ENTHD1: variants seen among roughly 807,000 people sequenced by gnomAD.
ENTHD1 encodes ENTH domain containing 1.
In ENTHD1, 23 loss-of-function variants were observed where a neutral mutation model predicts 39.1. The ratio of observed to expected loss-of-function variants is 0.59; its 90% CI spans 0.42 to 0.83. The LOEUF (loss-of-function observed/expected upper bound fraction) is 0.83. ENTHD1 is among the 40% of genes least tolerant of loss of function. ENTHD1 has a pLI of 0.00. For synonymous variants in ENTHD1, 230 were observed against 258.2 expected, an observed-to-expected ratio of 0.89 and a Z score of 1.05; for missense variants, 624 against 705.4, an observed-to-expected ratio of 0.88 and a Z score of 1.31.
chr22:39,851,968 G>A (rs1347508725), intron 3 of ENTHD1, among the ~76,000 whole-genome samples: 1 of 152,114 alleles, frequency 6.6e-6, no homozygotes, highest in Non-Finnish European at 1.5e-5. Flanking sequence ...CTAAAAAACA[G>A]CATATAATTC....
At chr22:39,877,140 T>C (rs981120160) in intron 2 of ENTHD1, among the ~76,000 whole-genome samples, 8 of 152,150 alleles carry the variant, frequency 5.3e-5, no homozygotes, top group African/African-American at 9.7e-5. Flanking sequence ...TGAGCCTAAA[T>C]TGTAATGGGT....
intron 3 of ENTHD1, among the ~76,000 whole-genome samples, chr22:39,839,585 C>A (rs779608146): frequency 2.0e-5 from 3 of 152,164 alleles, no homozygotes; most frequent in Non-Finnish European, 2.9e-5. Context: ...TTTGTTTTAA[C>A]TTCACATAAA....
chr22:39,862,982 T>C (rs1601651740), intron 2 of ENTHD1, among the ~76,000 whole-genome samples: 1 of 152,154 alleles, frequency 6.6e-6, no homozygotes, highest in Admixed American at 6.6e-5. Context: ...TTCTGTCACA[T>C]GAGGACACAG....
chr22:39,819,328 G>A (rs2035527887), intron 5 of ENTHD1, among the ~76,000 whole-genome samples: 1 of 151,034 alleles, frequency 6.6e-6, no homozygotes, highest in Non-Finnish European at 1.5e-5. Flanking sequence ...TCGCGCCACT[G>A]TACTCCAACC....
intron 5 of ENTHD1, among the ~76,000 whole-genome samples, chr22:39,801,785 C>G (rs1174292546): frequency 6.6e-6 from 1 of 151,928 alleles, no homozygotes; most frequent in East Asian, 1.9e-4. Context: ...TTGTTAATGA[C>G]CTACATTCAA....
At chr22:39,766,524 T>C (rs1325791567) in intron 5 of ENTHD1, among the ~76,000 whole-genome samples, 1 of 152,166 alleles carries the variant, frequency 6.6e-6, no homozygotes, top group Non-Finnish European at 1.5e-5. Context: ...CCGTTATTTT[T>C]ATGAGGTTGT....
chr22:39,774,135 A>G (rs886436386), intron 5 of ENTHD1, among the ~76,000 whole-genome samples: 16 of 152,132 alleles, frequency 1.1e-4, no homozygotes, highest in African/African-American at 3.9e-4. Context: ...AAATCTTAAG[A>G]CCATTTCTTT....
At position 39,754,065 on chromosome 22, in the gene ENTHD1, C is replaced by T. The variant is rs544088196; in HGVS notation, c.1220-9782G>A. The stretch of plus-strand genomic sequence containing the variant: ...CTGCCTTACCTGCTAACTTGTAATC[C>T]GGGGGTCAGCAAACCATTTTTGTAA... On this transcript the variant is annotated intron_variant, in intron 6 of 6. Transcript: ENST00000325157. Among the ~76,000 whole-genome samples the T allele has an allele frequency of 2.7e-4, 41 of 152,238 alleles. 1 individual carries two copies. In the South Asian group the frequency reaches 8.1e-3, roughly 30 times the overall value.
intron 5 of ENTHD1, among the ~76,000 whole-genome samples, chr22:39,804,169 AAAG>A (rs2065621864): frequency 6.6e-6 from 1 of 151,706 alleles, no homozygotes; most frequent in South Asian, 2.1e-4. Flanking sequence ...GTCTCAAAAA[AAAG>A]AAAAGAAAAA....
rs372634517 is a variant in ENTHD1, at chr22:39,863,152, G to C, written c.350-1145C>G. On this transcript the variant is annotated intron_variant, in intron 2 of 6. Transcript: ENST00000325157. ...CTCTTCTTTCTAAATTACCCAGTCTGTGATACTCTGTTATAGCAGCACAAG... is the reference window on the plus strand; with the variant it reads ...CTCTTCTTTCTAAATTACCCAGTCTCTGATACTCTGTTATAGCAGCACAAG... Among the ~76,000 whole-genome samples, 9 of 152,268 alleles carry C rather than the reference G, an allele frequency of 5.9e-5. No individual in the cohort carries two copies. In the South Asian group the frequency reaches 1.0e-3, roughly 18 times the overall value.
intron 6 of ENTHD1, among the ~76,000 whole-genome samples, chr22:39,759,953 C>G (rs1239111960): frequency 6.6e-6 from 1 of 151,848 alleles, no homozygotes; most frequent in African/African-American, 2.4e-5. Flanking sequence ...AGATTTCAAT[C>G]TTTTGAAATT....
intron 4 of ENTHD1, among the ~76,000 whole-genome samples, chr22:39,826,011 G>A (rs181935096): frequency 7.9e-5 from 12 of 152,276 alleles, no homozygotes; most frequent in Admixed American, 7.8e-4. Context: ...GAGTAGCTGG[G>A]ACTATAGGCG....
intron 2 of ENTHD1, among the ~76,000 whole-genome samples, chr22:39,880,689 T>A (rs2146764437): frequency 6.6e-6 from 1 of 152,320 alleles, no homozygotes; most frequent in African/African-American, 2.4e-5. Context: ...AAAGGATACA[T>A]TTCTGAATTC....
At chr22:39,785,396 C>G (rs2065447344) in intron 5 of ENTHD1, among the ~76,000 whole-genome samples, 1 of 152,228 alleles carries the variant, frequency 6.6e-6, no homozygotes, top group Non-Finnish European at 1.5e-5. Context: ...TATTTCTTTC[C>G]CTTTTCTTAT....
chr22:39,825,543 T>C (rs1689979084), intron 4 of ENTHD1, among the ~76,000 whole-genome samples: 2 of 152,168 alleles, frequency 1.3e-5, no homozygotes, highest in South Asian at 4.1e-4. Flanking sequence ...TATTTTTTTA[T>C]TTTTTGAGAC....
chr22:39,819,234 G>A (rs543232519), intron 5 of ENTHD1, among the ~76,000 whole-genome samples: 19 of 152,040 alleles, frequency 1.2e-4, no homozygotes, highest in East Asian at 1.9e-4. Flanking sequence ...GCATGGTGGC[G>A]GGTGCCTGTA....
intron 5 of ENTHD1, 28 bp from the exon 6 acceptor site, chr22:39,765,637 T>A: frequency 6.5e-7 from 1 of 1,547,594 alleles, no homozygotes; most frequent in African/African-American, 1.4e-5. Flanking sequence ...AGAGCTATAA[T>A]CAAAAAATAA....
intron 2 of ENTHD1, among the ~76,000 whole-genome samples, chr22:39,863,649 C>T (rs187249188): frequency 4.3e-4 from 65 of 152,344 alleles, no homozygotes; most frequent in Middle Eastern, 3.4e-3. Flanking sequence ...GATGAACTCA[C>T]AAACATGGCT....
intron 5 of ENTHD1, among the ~76,000 whole-genome samples, chr22:39,786,068 A>G (rs182941312): frequency 2.0e-5 from 3 of 152,178 alleles, no homozygotes; most frequent in Non-Finnish European, 4.4e-5. Context: ...CGCCCATAGT[A>G]TTCCTTCCCT....
Sources: allele counts gnomAD v4.1 joint callset (sites outside exome capture counted in the v4.1 genomes callset), GRCh38; gene constraint gnomAD v4.1.1; transcripts MANE v1.5; gene names NCBI Gene and HGNC (gene_info 2026-07-23, HGNC 2026-07-21).